ZNRF2: variants seen among roughly 807,000 people sequenced by gnomAD.
ZNRF2 encodes zinc and ring finger 2.
ZNRF2 carries 16 observed loss-of-function variants against 20.4 expected under a neutral mutation model. The ratio of observed to expected loss-of-function variants is 0.79; its 90% confidence interval spans 0.53 to 1.19. The LOEUF (loss-of-function observed/expected upper bound fraction) is 1.19. Ranked by LOEUF, ZNRF2 falls within the 50% of genes most tolerant of loss-of-function variation. ZNRF2 has a pLI of 0.00. For synonymous variants in ZNRF2, 178 were observed against 144.9 expected (o/e 1.23, Z -1.64); for missense variants, 363 against 332.4 (o/e 1.09, Z -0.72).
intron 1 of ZNRF2, among the ~76,000 whole-genome samples, chr7:30,289,582 A>G: frequency 6.6e-6 from 1 of 152,222 alleles, no homozygotes; most frequent in Non-Finnish European, 1.5e-5. Context: ...CCACTCCTGA[A>G]GTAATAAGAA....
intron 2 of ZNRF2, among the ~76,000 whole-genome samples, chr7:30,344,047 A>G (rs1799839139): frequency 6.6e-6 from 1 of 150,382 alleles, no homozygotes; most frequent in South Asian, 2.1e-4. Flanking sequence ...AGCCTCCCGA[A>G]TAGCTGGGAT....
intron 2 of ZNRF2, among the ~76,000 whole-genome samples, chr7:30,341,080 G>A (rs906525581): frequency 1.3e-5 from 2 of 152,096 alleles, no homozygotes; most frequent in Non-Finnish European, 2.9e-5. Flanking sequence ...CGGGATCAGT[G>A]GTGATATCCC....
At chr7:30,343,911 C>CTTTTTTTT (rs34643391) in intron 2 of ZNRF2, among the ~76,000 whole-genome samples, 3 of 81,516 alleles carry the variant, frequency 3.7e-5, no homozygotes, top group African/African-American at 9.6e-5. Flanking sequence ...GGGTGGCCAG[C>CTTTTTTTT]TTTTTTTTTT....
At chr7:30,330,602 A>G (rs145248082) in intron 2 of ZNRF2, among the ~76,000 whole-genome samples, 3,209 of 152,168 alleles carry the variant, frequency 0.021, 58 homozygotes, top group Middle Eastern at 0.044. Flanking sequence ...CCCACTGTAG[A>G]TATAATCTGG....
At chr7:30,329,415 T>C (rs1799602677) in intron 2 of ZNRF2, among the ~76,000 whole-genome samples, 2 of 152,174 alleles carry the variant, frequency 1.3e-5, no homozygotes, top group Non-Finnish European at 2.9e-5. Context: ...TTTGTACCCA[T>C]TAATCAAACC....
chr7:30,367,041 G>A lies in ZNRF2; in HGVS notation c.*1029G>A, dbSNP rs1438623258. ...TTCTGGAGAGGAACTTGGAATTTGA[G>A]GGAGATTTTATATACCTTTAAAAAC... On this transcript the variant is annotated 3_prime_UTR_variant, in exon 5 of 5. Transcript: ENST00000323037. 6.6e-6 allele frequency: 1 copy of A among 152,438 alleles called. No individual in the cohort carries two copies. The highest frequency in any genetic ancestry group is 1.9e-4 in the East Asian group (1 of 5,198). The allele number at this position is 152,438 out of a possible 1,614,324, so 9.4% of individuals were successfully genotyped here.
intron 1 of ZNRF2, among the ~76,000 whole-genome samples, chr7:30,310,908 G>A (rs985724165): frequency 1.3e-5 from 2 of 152,058 alleles, no homozygotes; most frequent in Non-Finnish European, 2.9e-5. Flanking sequence ...TGGAACATGA[G>A]CTGTACAGGG....
intron 1 of ZNRF2, among the ~76,000 whole-genome samples, chr7:30,314,295 C>T (rs1163508674): frequency 6.6e-6 from 1 of 152,132 alleles, no homozygotes; most frequent in Admixed American, 6.6e-5. Context: ...ATTTTCTATA[C>T]ATTTTATGGG....
chr7:30,300,423 A>G (rs1204591384), intron 1 of ZNRF2, among the ~76,000 whole-genome samples: 1 of 152,230 alleles, frequency 6.6e-6, no homozygotes, highest in African/African-American at 2.4e-5. Flanking sequence ...CTGGGATTGC[A>G]GGCATGAGCC....
intron 1 of ZNRF2, chr7:30,289,025 A>G (rs1410245615): frequency 6.6e-6 from 1 of 152,210 alleles, no homozygotes; most frequent in Non-Finnish European, 1.5e-5. Flanking sequence ...AAATATACCA[A>G]TACATGGAGA....
In ZNRF2 at chr7:30,337,695, A is replaced by AT. The variant is rs1177044489; in HGVS notation, c.565+13965dup. 4.6e-5 allele frequency among the ~76,000 whole-genome samples: 7 copies of AT among 152,078 alleles called. No individual in the cohort carries two copies. The East Asian group carries it at 7.7e-4, about 17-fold the overall frequency. ...CACCCATGGAGAATTGTCTTCCCCA[A>AT]TTTTTTTATTTGCATTTGCTTGCTA... On this transcript the variant is annotated intron_variant, in intron 2 of 4. Transcript: ENST00000323037.
intron 2 of ZNRF2, among the ~76,000 whole-genome samples, chr7:30,336,436 G>A (rs868776179): frequency 6.6e-6 from 1 of 151,982 alleles, no homozygotes; most frequent in Non-Finnish European, 1.5e-5. Context: ...CTCCGTCTTG[G>A]GGGGAACTAT....
chr7:30,285,122 C>T lies in ZNRF2; in HGVS notation c.-236C>T, dbSNP rs1288565049. Reference sequence around the variant, plus strand: ...GTGCCTGCAGCCGGGACCCCTTCCTCTCCGCGTCTCCTCGTCTCCCGCGCC... The same window carrying T: ...GTGCCTGCAGCCGGGACCCCTTCCTTTCCGCGTCTCCTCGTCTCCCGCGCC... On this transcript the variant is annotated 5_prime_UTR_variant, in exon 1 of 5. Coordinates refer to ENST00000323037, the MANE Select transcript of ZNRF2 (RefSeq NM_147128.4). 1 of 417,726 alleles carries T rather than the reference C, an allele frequency of 2.4e-6. No homozygotes were observed. Among genetic ancestry groups the T allele is most frequent in the Non-Finnish European group, 4.7e-6 (1 of 213,826 alleles). 25.9% of individuals were successfully genotyped at this position (417,726 alleles called of 1,614,324 possible). A position where few individuals can be genotyped will look rare whatever the true frequency, so the allele number is the denominator to read the frequency against.
In ZNRF2 at chr7:30,285,558, G is replaced by GGCCGCGGCGGCCCCGGCA. The variant is rs1467348024; in HGVS notation, c.205_222dup (p.Ala69_Ala74dup). ...CCAGCGCCTCCGGCGGCGCCGCGGCGGCCGCGGCGGCCCCGGCAGCCCCGG... is the reference window on the plus strand; with the variant it reads ...CCAGCGCCTCCGGCGGCGCCGCGGCGGCCGCGGCGGCCCCGGCAGCCGCGGCGGCCCCGGCAGCCCCGG... On this transcript the variant is annotated inframe_insertion, in exon 1 of 5. Transcript: ENST00000323037. 13 of 970,672 alleles carry GGCCGCGGCGGCCCCGGCA rather than the reference G, an allele frequency of 1.3e-5. No individual in the cohort carries two copies. In the South Asian group the frequency reaches 4.6e-4, roughly 35 times the overall value. The allele number at this position is 970,672 out of a possible 1,614,324, so 60.1% of individuals were successfully genotyped here. A position where few individuals can be genotyped will look rare whatever the true frequency, so the allele number is the denominator to read the frequency against.
intron 1 of ZNRF2, among the ~76,000 whole-genome samples, chr7:30,313,137 G>C (rs981537020): frequency 1.3e-5 from 2 of 152,130 alleles, no homozygotes; most frequent in African/African-American, 4.8e-5. Context: ...AAGGGAATTG[G>C]AAATGTGTTT....
chr7:30,307,472 A>G (rs933311522), intron 1 of ZNRF2, among the ~76,000 whole-genome samples: 1 of 150,552 alleles, frequency 6.6e-6, no homozygotes, highest in African/African-American at 2.4e-5. Flanking sequence ...TCTCTGTAAG[A>G]TGTTTGTTCT....
intron 1 of ZNRF2, among the ~76,000 whole-genome samples, chr7:30,309,250 T>C (rs975154692): frequency 2.0e-5 from 3 of 152,202 alleles, no homozygotes; most frequent in Admixed American, 2.0e-4. Context: ...ACTCTTCTAA[T>C]GTATTTAGTC....
rs575600615 is a variant in ZNRF2 at position 30,310,500 on chromosome 7, C to CA, written c.470-13140dup. On this transcript the variant is annotated intron_variant, in intron 1 of 4. Transcript: ENST00000323037. The stretch of plus-strand genomic sequence containing the variant: ...TTGTAGTTTGGGTAAGCCATAGAGA[C>CA]AATACATAAATGAATGTGTGTGGCC... Among the ~76,000 whole-genome samples the CA allele has an allele frequency of 5.1e-4, 78 of 152,148 alleles. 1 individual carries two copies. Among genetic ancestry groups the CA allele is most frequent in the Non-Finnish European group, 9.3e-4 (63 of 68,010 alleles).
At chr7:30,342,435 T>C (rs1018491012) in intron 2 of ZNRF2, among the ~76,000 whole-genome samples, 5 of 152,138 alleles carry the variant, frequency 3.3e-5, no homozygotes, top group African/African-American at 1.2e-4. Context: ...GATGACAGAA[T>C]CTCTCAGCAT....
Sources: allele counts gnomAD v4.1 joint callset (sites outside exome capture counted in the v4.1 genomes callset), GRCh38; gene constraint gnomAD v4.1.1; transcripts MANE v1.5; gene names NCBI Gene and HGNC (gene_info 2026-07-23, HGNC 2026-07-21).